The following ANKRD18A variants were observed in gnomAD, a reference collection of about 807,000 sequenced individuals.
The protein encoded by ANKRD18A is ankyrin repeat domain 18A.
Under a neutral mutation model 110.6 loss-of-function variants are expected in ANKRD18A, and 72 were observed. The observed-to-expected ratio is 0.65, with a 90% CI of 0.54 to 0.79. The LOEUF (loss-of-function observed/expected upper bound fraction) is 0.79. ANKRD18A is among the 30% of genes least tolerant of loss of function. The probability of loss-of-function intolerance (pLI) is 0.00; values close to 1 mark genes in which losing one functional copy is unlikely to be tolerated. For missense variants in ANKRD18A, 934 were observed against 1,163.3 expected, an observed-to-expected ratio of 0.80 and a Z score of 2.87; for synonymous variants, 305 against 410.3, an observed-to-expected ratio of 0.74 and a Z score of 3.10.
At chr9:38,610,818 C>A (rs910010885) in intron 4 of ANKRD18A, among the ~76,000 whole-genome samples, 3 of 150,800 alleles carry the variant, frequency 2.0e-5, no homozygotes, top group Admixed American at 6.6e-5. Context: ...GAGCTATCTG[C>A]AGGCTGAAAA....
intron 8 of ANKRD18A, among the ~76,000 whole-genome samples, chr9:38,600,138 G>GA (rs2118810006): frequency 6.6e-6 from 1 of 152,296 alleles, no homozygotes; most frequent in East Asian, 1.9e-4. Context: ...TAATATAGGG[G>GA]AAAAACGTGA....
At position 38,571,873 on chromosome 9, in the gene ANKRD18A, T is replaced by C. The variant is rs1368893849; in HGVS notation, c.*172A>G. 3 of 1,325,276 alleles carry C rather than the reference T, an allele frequency of 2.3e-6. No individual in the cohort carries two copies. The highest frequency in any genetic ancestry group is 1.9e-6 in the Non-Finnish European group (2 of 1,028,158). The allele number at this position is 1,325,276 out of a possible 1,614,324, so 82.1% of individuals were successfully genotyped here. On this transcript the variant is annotated 3_prime_UTR_variant, in exon 16 of 16. Coordinates refer to ENST00000399703, the MANE Select transcript of ANKRD18A (RefSeq NM_147195.4). The stretch of plus-strand genomic sequence containing the variant: ...AAATATTCTACTTTAGTAAAGATTA[T>C]GATGTTTTATATTATATGAGAAACA...
At chr9:38,599,467 ATT>A (rs200337501) in intron 8 of ANKRD18A, among the ~76,000 whole-genome samples, 1 of 145,674 alleles carries the variant, frequency 6.9e-6, no homozygotes. Flanking sequence ...TTTGTAATGA[ATT>A]TTTTTTTTTT....
intron 11 of ANKRD18A, among the ~76,000 whole-genome samples, chr9:38,586,861 G>A (rs1344125900): frequency 1.3e-5 from 2 of 152,040 alleles, no homozygotes; most frequent in Non-Finnish European, 1.5e-5. Context: ...ACCACACCTG[G>A]CCTAACCATA....
In ANKRD18A at chr9:38,611,298, A is replaced by G. The variant is rs1484805861; in HGVS notation, c.519T>C (p.Phe173=). The G allele has an allele frequency of 1.2e-5, 18 of 1,529,376 alleles. No homozygotes were observed. In the East Asian group the frequency reaches 3.7e-4, roughly 31 times the overall value. 94.7% of individuals were successfully genotyped at this position (1,529,376 alleles called of 1,614,324 possible). A position where few individuals can be genotyped will look rare whatever the true frequency, so the allele number is the denominator to read the frequency against. Residue 173 remains phenylalanine, a synonymous_variant, in exon 4 of 16, where the codon TTT becomes TTC. Transcript: ENST00000399703. Reference sequence around the variant, plus strand: ...TATGCTGTCTCCTGGAATTTATAGCAAACAAAAGTGGAGTGTTTCCCTCCT... The same window carrying G: ...TATGCTGTCTCCTGGAATTTATAGCGAACAAAAGTGGAGTGTTTCCCTCCT... The part of the protein sequence containing the change: ...LNKEGNTPLL[F]AINSRRQHMV...
downstream of ANKRD18A, among the ~76,000 whole-genome samples, chr9:38,570,874 G>A (rs1823614123): frequency 1.3e-5 from 2 of 152,240 alleles, no homozygotes; most frequent in Admixed American, 1.3e-4. Flanking sequence ...CAATGAGGTG[G>A]CCTGGCACTG....
intron 1 of ANKRD18A, among the ~76,000 whole-genome samples, chr9:38,619,732 G>A (rs1826005730): frequency 6.6e-6 from 1 of 152,174 alleles, no homozygotes. Flanking sequence ...AGGTGGATTC[G>A]GATGTAAAAC....
downstream of ANKRD18A, among the ~76,000 whole-genome samples, chr9:38,569,856 C>T (rs1283986701): frequency 4.6e-5 from 7 of 151,998 alleles, no homozygotes; most frequent in South Asian, 4.2e-4. Context: ...GGAGGGGTGC[C>T]GAGCAGAGCA....
intron 8 of ANKRD18A, among the ~76,000 whole-genome samples, chr9:38,596,889 C>T (rs1476958004): frequency 1.3e-5 from 2 of 152,142 alleles, no homozygotes; most frequent in Non-Finnish European, 2.9e-5. Flanking sequence ...TTTGACTCAA[C>T]ATTTTTTAGT....
chr9:38,616,625 A>T (rs1160462771), intron 1 of ANKRD18A, among the ~76,000 whole-genome samples: 2 of 152,058 alleles, frequency 1.3e-5, no homozygotes, highest in African/African-American at 2.4e-5. Flanking sequence ...GCTAATTTTT[A>T]AATTTTTTTT....
intron 10 of ANKRD18A, among the ~76,000 whole-genome samples, chr9:38,592,138 T>C (rs759415299): frequency 4.6e-5 from 7 of 152,204 alleles, no homozygotes; most frequent in African/African-American, 1.7e-4. Flanking sequence ...TTAGACTAAT[T>C]GGTTTTAATT....
intron 12 of ANKRD18A, among the ~76,000 whole-genome samples, chr9:38,585,820 A>G (rs1824355466): frequency 6.6e-6 from 1 of 152,230 alleles, no homozygotes; most frequent in Non-Finnish European, 1.5e-5. Context: ...ATGGAATACT[A>G]TGGAGCCATA....
intron 11 of ANKRD18A, among the ~76,000 whole-genome samples, chr9:38,586,953 G>T (rs1418578613): frequency 6.6e-6 from 1 of 152,038 alleles, no homozygotes; most frequent in Non-Finnish European, 1.5e-5. Flanking sequence ...AGGCATAACC[G>T]AGAGATGAGT....
chr9:38,585,024 G>T (rs1824321500), intron 12 of ANKRD18A, among the ~76,000 whole-genome samples: 1 of 152,150 alleles, frequency 6.6e-6, no homozygotes, highest in Admixed American at 6.5e-5. Flanking sequence ...CTGTTGCAGG[G>T]CCAAGAGATT....
In ANKRD18A at chr9:38,597,190, A is replaced by C. The variant is rs550422508; in HGVS notation, c.937-787T>G. On this transcript the variant is annotated intron_variant, in intron 8 of 15. Transcript: ENST00000399703. ...CCTGGATTCTCCATGAAATAGCCAG[A>C]TTGAGAGGATGTGACCTTGTGGGGC... 2.6e-5 allele frequency among the ~76,000 whole-genome samples: 4 copies of C among 152,288 alleles called. No homozygotes were observed. In the South Asian group the frequency reaches 8.3e-4, roughly 32 times the overall value.
chr9:38,568,919 T>C (rs542439862), downstream of ANKRD18A: 1 of 985,334 alleles, frequency 1.0e-6, no homozygotes, highest in South Asian at 4.7e-5. Flanking sequence ...GATGACAAGA[T>C]GCTGCTGGCT....
At chr9:38,612,913 G>A (rs1825697863) in intron 3 of ANKRD18A, among the ~76,000 whole-genome samples, 2 of 151,492 alleles carry the variant, frequency 1.3e-5, no homozygotes, top group South Asian at 2.1e-4. Context: ...ACCTAAAAGG[G>A]CTTCTAGGCA....
At chr9:38,572,120 A>C in intron 15 of ANKRD18A, 61 bp from the exon 16 acceptor site, 1 of 1,320,286 alleles carries the variant, frequency 7.6e-7, no homozygotes, top group Non-Finnish European at 1.0e-6. Context: ...ACGAAGTGTA[A>C]GTTTAAAATG....
chr9:38,578,501 CA>C (rs936774745), intron 12 of ANKRD18A, among the ~76,000 whole-genome samples: 1 of 151,988 alleles, frequency 6.6e-6, no homozygotes, highest in Non-Finnish European at 1.5e-5. Flanking sequence ...CAAAATTTGT[CA>C]AAAAAACTTT....
Sources: gnomAD v4.1 joint callset for allele counts (sites outside exome capture counted in the v4.1 genomes callset) on GRCh38, gnomAD v4.1.1 for gene constraint, MANE v1.5 for transcripts, NCBI Gene and HGNC (gene_info 2026-07-23, HGNC 2026-07-21) for gene names.